The following HIGD1C variants were observed in gnomAD, a reference collection of about 807,000 sequenced individuals.
HIGD1C encodes the protein HIG1 domain family member 1C.
A neutral mutation model predicts 13.1 loss-of-function variants in HIGD1C; 11 were observed. The ratio of observed to expected loss-of-function variants is 0.84; its 90% CI spans 0.53 to 1.39. HIGD1C has a LOEUF of 1.39. HIGD1C is among the 40% of genes most tolerant of loss of function. The pLI, the probability that HIGD1C is intolerant of heterozygous loss-of-function variation, is 0.00. For synonymous variants in HIGD1C, 36 were observed against 37.7 expected (o/e 0.95, Z 0.17); for missense variants, 110 against 112.0 (o/e 0.98, Z 0.08).
chr12:50,958,810 A>T (rs553278272), intron 1 of HIGD1C, among the ~76,000 whole-genome samples: 58 of 151,722 alleles, frequency 3.8e-4, no homozygotes, highest in African/African-American at 1.4e-3. Context: ...TGGGGCCAGG[A>T]GTTCAAAGCC....
intron 2 of HIGD1C, among the ~76,000 whole-genome samples, chr12:50,966,735 T>A (rs1939554413): frequency 6.6e-6 from 1 of 152,188 alleles, no homozygotes; most frequent in African/African-American, 2.4e-5. Context: ...ATTTAAGTGT[T>A]CAAAGACCCA....
rs1592271087 is a variant in HIGD1C, at chr12:50,968,184, T to C, written c.230-2258T>C. Among the ~76,000 whole-genome samples the C allele has an allele frequency of 2.6e-5, 4 of 152,230 alleles. No individual in the cohort carries two copies. The South Asian group carries it at 8.3e-4, about 32-fold the overall frequency. ...ACAGAGATATGACCTTAAAACATTT[T>C]TGGAGTTGGCTAAACAGTTTATGCG... On this transcript the variant is annotated intron_variant, in intron 2 of 2. Coordinates refer to ENST00000398455, the Ensembl canonical transcript of HIGD1C.
At chr12:50,942,348 C>T in the HIGD1C span, among the ~76,000 whole-genome samples, 968 of 152,290 alleles carry the variant, frequency 6.4e-3, 2 homozygotes, top group Middle Eastern at 0.024. Flanking sequence ...TAGCTCTCCC[C>T]CTCTCACTTA....
the HIGD1C span, among the ~76,000 whole-genome samples, chr12:50,933,569 T>A: frequency 4.6e-5 from 7 of 152,234 alleles, no homozygotes; most frequent in Non-Finnish European, 1.0e-4. Context: ...TCCCCTCTGC[T>A]CTATTAGGTA....
chr12:50,942,867 C>CTT, the HIGD1C span, among the ~76,000 whole-genome samples: 39,961 of 140,218 alleles, frequency 0.28, 6,539 homozygotes, highest in East Asian at 0.53. Context: ...TTTCTCTTCT[C>CTT]TTTTTTTTTT....
chr12:50,963,258 T>C (rs578009082), intron 2 of HIGD1C, among the ~76,000 whole-genome samples: 1 of 148,776 alleles, frequency 6.7e-6, no homozygotes, highest in Admixed American at 6.9e-5. Context: ...TAATCCCAGC[T>C]ACTCAGGAGG....
At chr12:50,944,878 C>T in the HIGD1C span, among the ~76,000 whole-genome samples, 1 of 152,306 alleles carries the variant, frequency 6.6e-6, no homozygotes, top group East Asian at 1.9e-4. Context: ...CAGAGCAAGA[C>T]TCTGTCTCAA....
chr12:50,946,673 C>T, the HIGD1C span, among the ~76,000 whole-genome samples: 2 of 152,124 alleles, frequency 1.3e-5, no homozygotes, highest in Admixed American at 1.3e-4. Flanking sequence ...GACAGTGTGG[C>T]AATTCCTCAA....
At chr12:50,964,147 A>C (rs567959241) in intron 2 of HIGD1C, among the ~76,000 whole-genome samples, 25,175 of 152,202 alleles carry the variant, frequency 0.17, 2,151 homozygotes, top group South Asian at 0.27. Context: ...TGGGGAATAG[A>C]AAAAAATTGG....
At chr12:50,964,773 T>G (rs1484348123) in intron 2 of HIGD1C, among the ~76,000 whole-genome samples, 1 of 152,256 alleles carries the variant, frequency 6.6e-6, no homozygotes, top group Non-Finnish European at 1.5e-5. Context: ...CACATCTGGA[T>G]AGCAGAGTGA....
intron 1 of HIGD1C, among the ~76,000 whole-genome samples, chr12:50,957,207 CT>C (rs546542495): frequency 2.7e-5 from 4 of 146,714 alleles, no homozygotes; most frequent in African/African-American, 7.4e-5. Context: ...AAATTACTTG[CT>C]TTTTTTTCTT....
At chr12:50,959,108 T>C (rs1230096610) in intron 1 of HIGD1C, among the ~76,000 whole-genome samples, 8 of 152,158 alleles carry the variant, frequency 5.3e-5, no homozygotes, top group Admixed American at 5.2e-4. Context: ...CTATTACATC[T>C]ACCATATCCT....
the HIGD1C span, among the ~76,000 whole-genome samples, chr12:50,933,962 TATA>T: frequency 6.6e-6 from 1 of 152,332 alleles, no homozygotes; most frequent in South Asian, 2.1e-4. Context: ...CTCATTACCC[TATA>T]CTTACAAAAC....
intron 1 of HIGD1C, among the ~76,000 whole-genome samples, chr12:50,960,510 A>G (rs1939283449): frequency 6.6e-6 from 1 of 152,216 alleles, no homozygotes; most frequent in South Asian, 2.1e-4. Context: ...ACTGGACTCA[A>G]GAATATTAAG....
chr12:50,967,456 T>G (rs1341774431), intron 2 of HIGD1C, among the ~76,000 whole-genome samples: 2 of 152,098 alleles, frequency 1.3e-5, no homozygotes, highest in East Asian at 1.9e-4. Flanking sequence ...CTTTATTTTT[T>G]GTAGAAATGA....
intron 1 of HIGD1C, among the ~76,000 whole-genome samples, chr12:50,958,253 G>A (rs1174286127): frequency 1.3e-5 from 2 of 151,608 alleles, no homozygotes; most frequent in Non-Finnish European, 2.9e-5. Flanking sequence ...TATATGGAAA[G>A]GCACAAGTCC....
chr12:50,967,792 C>G (rs1335513284), intron 2 of HIGD1C, among the ~76,000 whole-genome samples: 1 of 152,100 alleles, frequency 6.6e-6, no homozygotes, highest in Non-Finnish European at 1.5e-5. Context: ...AAGATTCAGA[C>G]AAGCAAAACT....
the HIGD1C span, among the ~76,000 whole-genome samples, chr12:50,947,548 C>G: frequency 0.088 from 13,436 of 152,164 alleles, 865 homozygotes; most frequent in African/African-American, 0.18. Flanking sequence ...ACTGGCCCCA[C>G]CCAGATAGTC....
upstream of HIGD1C, among the ~76,000 whole-genome samples, chr12:50,952,048 C>A: frequency 7.0e-6 from 1 of 142,500 alleles, no homozygotes. Flanking sequence ...TAATTGGATG[C>A]TAGACCAGAA....
Sources: allele counts gnomAD v4.1 joint callset (sites outside exome capture counted in the v4.1 genomes callset), GRCh38; gene constraint gnomAD v4.1.1; transcripts MANE v1.5; gene names NCBI Gene and HGNC (gene_info 2026-07-23, HGNC 2026-07-21).